FGD4: variants seen among roughly 807,000 people sequenced by gnomAD.
FGD4 encodes FYVE, RhoGEF and PH domain containing 4.
In FGD4, 42 loss-of-function variants were observed where a neutral mutation model predicts 102.0. That is an observed-to-expected ratio of 0.41 (90% CI 0.32 to 0.53). FGD4 has a LOEUF of 0.53. Among genes scored for constraint, FGD4 ranks in the 20% least tolerant of loss-of-function variants. The probability of loss-of-function intolerance (pLI) is 0.21; values close to 1 mark genes in which losing one functional copy is unlikely to be tolerated. For missense variants in FGD4, 902 were observed against 1,078.2 expected (o/e 0.84, Z 2.29); for synonymous variants, 380 against 375.7 (o/e 1.01, Z -0.13).
intron 1 of FGD4, among the ~76,000 whole-genome samples, chr12:32,555,633 G>A (rs1944041592): frequency 1.4e-5 from 2 of 147,138 alleles, no homozygotes; most frequent in Admixed American, 6.9e-5. Context: ...GTGCAGTGGC[G>A]CCATCTCGGC....
chr12:32,480,512 G>A (rs1043499108), intron 1 of FGD4, among the ~76,000 whole-genome samples: 1 of 147,760 alleles, frequency 6.8e-6, no homozygotes, highest in Admixed American at 6.7e-5. Context: ...TGTTTTTTTC[G>A]TTTTTTTGAG....
intron 7 of FGD4, among the ~76,000 whole-genome samples, chr12:32,607,305 C>T (rs998982648): frequency 1.3e-5 from 2 of 152,118 alleles, no homozygotes; most frequent in Admixed American, 1.3e-4. Flanking sequence ...GGCATGGTGG[C>T]ACGTGCCTAT....
At chr12:32,567,052 T>C (rs1179944832) in intron 2 of FGD4, among the ~76,000 whole-genome samples, 5 of 152,200 alleles carry the variant, frequency 3.3e-5, no homozygotes, top group Admixed American at 2.6e-4. Flanking sequence ...CCAGACACTG[T>C]GGCTGATAGA....
chr12:32,530,192 TATC>T (rs1227103363), intron 1 of FGD4, among the ~76,000 whole-genome samples: 7 of 151,968 alleles, frequency 4.6e-5, no homozygotes, highest in Admixed American at 3.9e-4. Context: ...TATTATGAAA[TATC>T]ATGTGGGCTG....
rs571268530 is a variant in FGD4 at position 32,481,210 on chromosome 12, G to A, written c.166+81251G>A. Among the ~76,000 whole-genome samples, 14 of 149,664 alleles carry A rather than the reference G, an allele frequency of 9.4e-5. No individual in the cohort carries two copies. In the South Asian group the frequency reaches 1.9e-3, roughly 21 times the overall value. On this transcript the variant is annotated intron_variant, in intron 1 of 16. Transcript: ENST00000534526. ...TCCCAGTACTTTGGGAGGCCGATGCGGTTGGATCATGAGGTCAGGAGATCA... is the reference window on the plus strand; with the variant it reads ...TCCCAGTACTTTGGGAGGCCGATGCAGTTGGATCATGAGGTCAGGAGATCA...
intron 1 of FGD4, among the ~76,000 whole-genome samples, chr12:32,443,848 A>G (rs543068141): frequency 1.1e-4 from 17 of 151,802 alleles, no homozygotes; most frequent in African/African-American, 1.4e-4. Flanking sequence ...TATTATGACA[A>G]TTTTGAAGAA....
At chr12:32,459,189 C>CTT (rs60125522) in intron 1 of FGD4, among the ~76,000 whole-genome samples, 3,594 of 114,400 alleles carry the variant, frequency 0.031, 160 homozygotes, top group Non-Finnish European at 0.048. Context: ...TTTGACACTG[C>CTT]TTTTTTTTTT....
At chr12:32,429,563 A>T (rs554039908) in intron 1 of FGD4, among the ~76,000 whole-genome samples, 3 of 152,356 alleles carry the variant, frequency 2.0e-5, no homozygotes, top group African/African-American at 7.2e-5. Context: ...CTTTGCTGGG[A>T]GATCTGCTGC....
intron 5 of FGD4, among the ~76,000 whole-genome samples, chr12:32,598,948 G>C (rs1262033875): frequency 6.6e-6 from 1 of 152,138 alleles, no homozygotes; most frequent in African/African-American, 2.4e-5. Context: ...ATGTGTCATT[G>C]ATTCTGTTTG....
At chr12:32,513,726 C>T (rs1256383187) in intron 1 of FGD4, among the ~76,000 whole-genome samples, 3 of 152,144 alleles carry the variant, frequency 2.0e-5, no homozygotes, top group South Asian at 2.1e-4. Context: ...GTGTCAGGAA[C>T]AGCTCTGAAG....
chr12:32,603,183 GA>G (rs1948537249), intron 7 of FGD4, among the ~76,000 whole-genome samples: 1 of 151,982 alleles, frequency 6.6e-6, no homozygotes, highest in Non-Finnish European at 1.5e-5. Flanking sequence ...GGAAGGATAT[GA>G]GAAAAAAATG....
intron 4 of FGD4, among the ~76,000 whole-genome samples, chr12:32,584,527 T>A (rs1180645984): frequency 6.6e-6 from 1 of 152,170 alleles, no homozygotes. Context: ...AATAATTCTT[T>A]GTGTGTTTAG....
chr12:32,594,799 A>G (rs1592337185), intron 4 of FGD4, among the ~76,000 whole-genome samples: 1 of 152,212 alleles, frequency 6.6e-6, no homozygotes, highest in South Asian at 2.1e-4. Flanking sequence ...TGGGAGGCCA[A>G]AGCAGGCGGA....
chr12:32,620,059 T>TA (rs1949712934), intron 11 of FGD4, among the ~76,000 whole-genome samples, 189 bp downstream of exon 11: 1 of 152,202 alleles, frequency 6.6e-6, no homozygotes, highest in African/African-American at 2.4e-5. Context: ...GATTCCTCCA[T>TA]AGTGCCTAGG....
chr12:32,412,711 C>T (rs181724325), intron 1 of FGD4, among the ~76,000 whole-genome samples: 40 of 151,954 alleles, frequency 2.6e-4, no homozygotes, highest in Admixed American at 1.1e-3. Context: ...TGGGTTCAAG[C>T]GATCCTCCTG....
At chr12:32,524,124 C>T (rs950438352) in intron 1 of FGD4, among the ~76,000 whole-genome samples, 3 of 151,718 alleles carry the variant, frequency 2.0e-5, no homozygotes, top group South Asian at 2.1e-4. Context: ...TGGCCGGGTG[C>T]GGTGGCTCAT....
intron 1 of FGD4, among the ~76,000 whole-genome samples, chr12:32,479,175 A>C (rs1177291902): frequency 6.6e-6 from 1 of 152,150 alleles, no homozygotes; most frequent in Non-Finnish European, 1.5e-5. Flanking sequence ...TCAGATTTGA[A>C]AGCTGAATGT....
chr12:32,635,451 T>A (rs570020962), intron 15 of FGD4, among the ~76,000 whole-genome samples: 98 of 152,350 alleles, frequency 6.4e-4, no homozygotes, highest in African/African-American at 2.3e-3. Context: ...AAATATATAG[T>A]ATGAAGTCCA....
chr12:32,615,733 G>A (rs1384384821), intron 10 of FGD4, among the ~76,000 whole-genome samples: 1 of 152,008 alleles, frequency 6.6e-6, no homozygotes, highest in Non-Finnish European at 1.5e-5. Context: ...AGAAAACGTG[G>A]GCAAGAGCCT....
Sources: gnomAD v4.1 joint callset for allele counts (sites outside exome capture counted in the v4.1 genomes callset) on GRCh38, gnomAD v4.1.1 for gene constraint, MANE v1.5 for transcripts, NCBI Gene and HGNC (gene_info 2026-07-23, HGNC 2026-07-21) for gene names.